PCDH11X: variants seen among roughly 807,000 people sequenced by gnomAD.
PCDH11X encodes the protein protocadherin 11 X-linked, also known as protocadherin-11 X-linked.
PCDH11X carries 18 observed loss-of-function variants against 53.3 expected under a neutral mutation model. That is an observed-to-expected ratio of 0.34 (90% confidence interval 0.23 to 0.50). PCDH11X has a LOEUF of 0.50. PCDH11X is among the 20% of genes least tolerant of loss of function. PCDH11X has a pLI of 0.98. For missense variants in PCDH11X, 570 were observed against 1,032.4 expected (o/e 0.55, Z 6.14); for synonymous variants, 279 against 393.3 (o/e 0.71, Z 3.44).
chrX:92,548,394 C>T (rs1362076365), intron 10 of PCDH11X, among the ~76,000 whole-genome samples: 1 of 111,196 alleles, frequency 9.0e-6, no homozygotes, highest in Non-Finnish European at 1.9e-5. Flanking sequence ...TGATCTCAGA[C>T]TCCTGGGCTC....
intron 6 of PCDH11X, among the ~76,000 whole-genome samples, chrX:92,046,325 C>T (rs1340227319): frequency 6.3e-5 from 7 of 111,602 alleles, no homozygotes; most frequent in Non-Finnish European, 1.1e-4. Context: ...TTTTATTTCT[C>T]ATCAGACCTT....
At chrX:92,524,334 T>C (rs1453614698) in intron 10 of PCDH11X, among the ~76,000 whole-genome samples, 5 of 109,931 alleles carry the variant, frequency 4.5e-5, no homozygotes, top group African/African-American at 1.3e-4. Flanking sequence ...AATCCAGATG[T>C]CCAAATTCTA....
chrX:91,791,174 T>C (rs1306694593), intron 1 of PCDH11X, among the ~76,000 whole-genome samples: 2 of 110,991 alleles, frequency 1.8e-5, no homozygotes, highest in Non-Finnish European at 3.8e-5. Context: ...TACTTAATAA[T>C]GTTAAGCTAG....
intron 6 of PCDH11X, among the ~76,000 whole-genome samples, chrX:91,926,102 AC>A (rs1941938659): frequency 9.5e-6 from 1 of 104,795 alleles, no homozygotes; most frequent in African/African-American, 3.6e-5. Flanking sequence ...ACACACACAC[AC>A]ACACACACAC....
chrX:91,782,576 C>G (rs1489035818), intron 1 of PCDH11X, among the ~76,000 whole-genome samples: 5 of 108,404 alleles, frequency 4.6e-5, no homozygotes, highest in Non-Finnish European at 7.6e-5. Context: ...TCATCTTTCC[C>G]ACAAAATTGT....
intron 6 of PCDH11X, among the ~76,000 whole-genome samples, chrX:92,164,716 G>C (rs1405712779): frequency 9.3e-6 from 1 of 107,462 alleles, no homozygotes; most frequent in Non-Finnish European, 1.9e-5. Flanking sequence ...GATATGGTTT[G>C]GCTGTGTCCA....
chrX:92,581,779 A>G (rs1923741574), intron 10 of PCDH11X, among the ~76,000 whole-genome samples: 1 of 111,282 alleles, frequency 9.0e-6, no homozygotes, highest in African/African-American at 3.3e-5. Context: ...GGGAATGTTT[A>G]GAACTTCCTA....
intron 10 of PCDH11X, among the ~76,000 whole-genome samples, chrX:92,509,706 G>T (rs1356765469): frequency 2.7e-5 from 3 of 111,519 alleles, no homozygotes; most frequent in Admixed American, 9.6e-5. Context: ...AGGTGATCTG[G>T]TTTGTAGTCT....
At chrX:91,884,398 A>G (rs1419178232) in intron 6 of PCDH11X, among the ~76,000 whole-genome samples, 1 of 110,633 alleles carries the variant, frequency 9.0e-6, no homozygotes, top group Admixed American at 9.7e-5. Context: ...GAGGGTGGAA[A>G]CAACGATTGA....
intron 6 of PCDH11X, among the ~76,000 whole-genome samples, chrX:92,090,895 C>T (rs2064036706): frequency 8.9e-6 from 1 of 112,147 alleles, no homozygotes; most frequent in Non-Finnish European, 1.9e-5. Flanking sequence ...TTCGTGAGAG[C>T]AGTTCATTAT....
At chrX:91,986,656 C>T (rs1311077462) in intron 6 of PCDH11X, among the ~76,000 whole-genome samples, 3 of 108,223 alleles carry the variant, frequency 2.8e-5, no homozygotes, top group East Asian at 5.9e-4. Flanking sequence ...ATCCTCAAAG[C>T]GACTCTGCAT....
intron 9 of PCDH11X, among the ~76,000 whole-genome samples, chrX:92,420,034 T>C (rs1330533314): frequency 1.8e-5 from 2 of 111,302 alleles, no homozygotes; most frequent in Non-Finnish European, 3.8e-5. Flanking sequence ...TATTCCACTT[T>C]AATATATCTG....
intron 6 of PCDH11X, among the ~76,000 whole-genome samples, chrX:92,067,257 C>T (rs1257245581): frequency 9.0e-6 from 1 of 110,540 alleles, no homozygotes; most frequent in East Asian, 2.8e-4. Context: ...AGAAGTAAGG[C>T]TTTCAGTTTT....
chrX:91,927,842 C>A (rs1301981734), intron 6 of PCDH11X, among the ~76,000 whole-genome samples: 1 of 110,819 alleles, frequency 9.0e-6, no homozygotes, highest in Non-Finnish European at 1.9e-5. Context: ...TGATCTATTA[C>A]TTAATTTAGG....
At chrX:91,920,960 C>T (rs1941718346) in intron 6 of PCDH11X, among the ~76,000 whole-genome samples, 1 of 111,094 alleles carries the variant, frequency 9.0e-6, no homozygotes, top group African/African-American at 3.3e-5. Context: ...AGAAAGCACA[C>T]ACTTGAAAAA....
Position 92,148,053 on chromosome X carries a change from CCTTCCTTTCTTTCTTTCTTT to C in PCDH11X, c.3034-53318_3034-53299del, listed in dbSNP as rs1455148581. ...CTTTCCTTCTTTCCCTTCCTTCCTT[CCTTCCTTTCTTTCTTTCTTT>C]CTTTCTTTCTTTCTTTCTTTCTTTC... is the stretch of plus-strand genomic sequence containing the variant. On this transcript the variant is annotated intron_variant, in intron 6 of 10. Transcript: ENST00000682573. Among the ~76,000 whole-genome samples, 212 of 49,249 alleles carry C rather than the reference CCTTCCTTTCTTTCTTTCTTT, an allele frequency of 4.3e-3. 16 individuals are homozygous for C. The highest frequency in any genetic ancestry group is 0.027 in the African/African-American group (182 of 6,740). The allele number at this position is 49,249 out of a possible 115,157, so 42.8% of individuals were successfully genotyped here. A position where few individuals can be genotyped will look rare whatever the true frequency, so the allele number is the denominator to read the frequency against.
intron 10 of PCDH11X, among the ~76,000 whole-genome samples, chrX:92,494,165 CA>C (rs762785029): frequency 9.1e-5 from 10 of 110,396 alleles, no homozygotes; most frequent in Non-Finnish European, 1.7e-4. Context: ...AAACGCAATT[CA>C]AAAATTTCCT....
intron 4 of PCDH11X, among the ~76,000 whole-genome samples, chrX:91,825,761 G>A (rs1936902834): frequency 9.3e-6 from 1 of 107,246 alleles, no homozygotes; most frequent in Non-Finnish European, 1.9e-5. Flanking sequence ...GAACTGCTCA[G>A]TTAAATATAA....
At chrX:92,031,079 T>C (rs1412414282) in intron 6 of PCDH11X, among the ~76,000 whole-genome samples, 1 of 111,403 alleles carries the variant, frequency 9.0e-6, no homozygotes, top group African/African-American at 3.3e-5. Context: ...TCCATAGTGG[T>C]TGTACTAATT....
Sources: allele counts gnomAD v4.1 joint callset (sites outside exome capture counted in the v4.1 genomes callset), GRCh38; gene constraint gnomAD v4.1.1; transcripts MANE v1.5; gene names NCBI Gene and HGNC (gene_info 2026-07-23, HGNC 2026-07-21).